The following FARP1 variants were observed in gnomAD, a reference collection of about 807,000 sequenced individuals.
The protein encoded by FARP1 is FERM, ARHGEF and pleckstrin domain-containing protein 1.
FARP1 carries 52 observed loss-of-function variants against 128.8 expected under a neutral mutation model. The observed-to-expected ratio is 0.40, with a 90% CI of 0.32 to 0.51. The LOEUF (loss-of-function observed/expected upper bound fraction) is 0.51, where lower values mean the gene tolerates loss of function less well. Ranked by LOEUF, FARP1 falls within the 20% of genes least tolerant of loss-of-function variation. FARP1 has a pLI of 0.45. For missense variants in FARP1, 1,333 were observed against 1,367.9 expected, an observed-to-expected ratio of 0.97 and a Z score of 0.40; for synonymous variants, 580 against 551.8, an observed-to-expected ratio of 1.05 and a Z score of -0.72.
intron 24 of FARP1, chr13:98,445,850 C>T (rs1892798430): frequency 2.6e-6 from 1 of 385,274 alleles, no homozygotes. Flanking sequence ...GTAGTCAGGA[C>T]CTCAACGTGT....
At chr13:98,156,018 C>T (rs568608697) in intron 1 of FARP1, among the ~76,000 whole-genome samples, 45 of 152,348 alleles carry the variant, frequency 3.0e-4, no homozygotes, top group Non-Finnish European at 5.7e-4. Context: ...TGCTCTACTA[C>T]TCAAAAGTTA....
chr13:98,266,864 A>G (rs542784300), intron 2 of FARP1, among the ~76,000 whole-genome samples: 1 of 152,164 alleles, frequency 6.6e-6, no homozygotes, highest in Admixed American at 6.5e-5. Flanking sequence ...AATACAAAAA[A>G]TTAGCCGGGT....
Position 98,311,027 on chromosome 13 carries a change from G to C in FARP1, c.172-32735G>C, listed in dbSNP as rs553189563. On this transcript the variant is annotated intron_variant, in intron 2 of 26. Coordinates refer to ENST00000319562, the MANE Select transcript of FARP1 (RefSeq NM_005766.4). ...TTGTGAAAGGCAAGGGAGGTAGTAA[G>C]GAAATTCAGTGGAAAACTGGGTTAA... Among the ~76,000 whole-genome samples, 35 of 152,278 alleles carry C rather than the reference G, an allele frequency of 2.3e-4. No individual in the cohort carries two copies. The Middle Eastern group carries it at 0.017, about 74-fold the overall frequency.
intron 6 of FARP1, among the ~76,000 whole-genome samples, chr13:98,382,796 C>T (rs996124796): frequency 4.0e-5 from 6 of 151,840 alleles, no homozygotes; most frequent in Non-Finnish European, 7.4e-5. Context: ...CCACGCTTTT[C>T]GCATTTTTGT....
At chr13:98,377,618 G>A (rs1206886654) in intron 5 of FARP1, among the ~76,000 whole-genome samples, 2 of 152,158 alleles carry the variant, frequency 1.3e-5, no homozygotes, top group African/African-American at 2.4e-5. Flanking sequence ...TATTCATACT[G>A]TGAAAAGATG....
In FARP1 at chr13:98,431,256, C is replaced by G; in HGVS notation, c.2119C>G (p.His707Asp). The G allele has an allele frequency of 6.3e-7, 1 of 1,590,908 alleles. No homozygotes were observed. Among genetic ancestry groups the G allele is most frequent in the East Asian group, 2.3e-5 (1 of 43,650 alleles). Residue 707 changes from histidine (H) to aspartate (D), a missense_variant, in exon 18 of 27, where the codon CAC becomes GAC. This residue lies in a region of FARP1 where 1,009 missense variants were observed against 969.8 expected (regional missense o/e 1.04). Transcript: ENST00000319562. ...ERLCKHHPPS[H>D]ADFRDCRAAL... ...GCTGTGCAAACACCACCCGCCGAGC[C>G]ACGCCGACTTCAGGGACTGCCGAGG... is the stretch of plus-strand genomic sequence containing the variant.
chr13:98,243,571 G>A (rs1279885235), intron 2 of FARP1, among the ~76,000 whole-genome samples: 3 of 151,500 alleles, frequency 2.0e-5, no homozygotes, highest in Admixed American at 6.6e-5. Flanking sequence ...GGTGGTGGGC[G>A]CCTGTAATCT....
At chr13:98,398,306 A>G (rs1890633280) in intron 13 of FARP1, 1 of 152,178 alleles carries the variant, frequency 6.6e-6, no homozygotes. Flanking sequence ...GAAGTAGTCT[A>G]TTTACGCCTT....
chr13:98,274,257 G>C (rs72655142), intron 2 of FARP1, among the ~76,000 whole-genome samples: 2 of 143,796 alleles, frequency 1.4e-5, no homozygotes, highest in South Asian at 2.3e-4. Context: ...AGGTTATACA[G>C]AGAGATTCCC....
chr13:98,401,888 A>G (rs1890788048), intron 13 of FARP1: 1 of 152,170 alleles, frequency 6.6e-6, no homozygotes, highest in Non-Finnish European at 1.5e-5. Flanking sequence ...CGACACAGAC[A>G]TCACAGCATG....
intron 2 of FARP1, among the ~76,000 whole-genome samples, chr13:98,219,733 T>C (rs7318321): frequency 0.62 from 94,741 of 152,116 alleles, 31,133 homozygotes; most frequent in African/African-American, 0.84. Flanking sequence ...TGGAGCAATC[T>C]TGGCTCACTG....
chr13:98,379,115 T>A (rs1423544876), intron 6 of FARP1, among the ~76,000 whole-genome samples: 1 of 73,918 alleles, frequency 1.4e-5, no homozygotes, highest in East Asian at 2.9e-4. Context: ...ATATATAATC[T>A]ATATATAATA....
chr13:98,231,352 G>A (rs1225501849), intron 2 of FARP1, among the ~76,000 whole-genome samples: 1 of 146,392 alleles, frequency 6.8e-6, no homozygotes, highest in Non-Finnish European at 1.5e-5. Context: ...GAAAGCAGAA[G>A]CAGTCAAGCA....
intron 1 of FARP1, among the ~76,000 whole-genome samples, chr13:98,212,405 G>A (rs1880778671): frequency 6.6e-6 from 1 of 152,160 alleles, no homozygotes; most frequent in South Asian, 2.1e-4. Context: ...AAGTTTCCAG[G>A]TGAAGAAAGA....
intron 17 of FARP1, among the ~76,000 whole-genome samples, chr13:98,425,732 G>A (rs17470626): frequency 0.28 from 42,335 of 152,044 alleles, 6,082 homozygotes; most frequent in Middle Eastern, 0.4. Context: ...TACAATCAAT[G>A]ACATAAAAGT....
chr13:98,300,800 C>T (rs1181904157), intron 2 of FARP1, among the ~76,000 whole-genome samples: 1 of 152,180 alleles, frequency 6.6e-6, no homozygotes, highest in East Asian at 1.9e-4. Flanking sequence ...TAGACTTCTC[C>T]AAAAATGTTG....
At chr13:98,282,188 C>T (rs1009252101) in intron 2 of FARP1, among the ~76,000 whole-genome samples, 1 of 152,050 alleles carries the variant, frequency 6.6e-6, no homozygotes, top group African/African-American at 2.4e-5. Flanking sequence ...CCTGTGGTTC[C>T]AGTTACTTGG....
chr13:98,189,028 G>T (rs1879064054), intron 1 of FARP1, among the ~76,000 whole-genome samples: 1 of 152,180 alleles, frequency 6.6e-6, no homozygotes, highest in Admixed American at 6.5e-5. Flanking sequence ...CAGGGCAGGA[G>T]TGTCTTTCTC....
intron 15 of FARP1, 54 bp downstream of exon 15, chr13:98,410,877 T>C: frequency 1.2e-6 from 1 of 868,774 alleles, no homozygotes; most frequent in Non-Finnish European, 1.9e-6. Flanking sequence ...TCTCAGCTAA[T>C]ACTCAGCTAT....
Sources: gnomAD v4.1 joint callset for allele counts (sites outside exome capture counted in the v4.1 genomes callset) on GRCh38, gnomAD v4.1.1 for gene constraint, gnomAD v4.1.1 regional missense constraint, MANE v1.5 for transcripts, NCBI Gene and HGNC (gene_info 2026-07-23, HGNC 2026-07-21) for gene names.